Variants in HIVEP2 observed in about 807,000 individuals in gnomAD.
HIVEP2 encodes the protein HIVEP zinc finger 2.
HIVEP2 carries 14 observed loss-of-function variants against 180.7 expected under a neutral mutation model. The ratio of observed to expected loss-of-function variants is 0.08; its 90% CI spans 0.05 to 0.12. The LOEUF (loss-of-function observed/expected upper bound fraction) is 0.12, where lower values mean the gene tolerates loss of function less well. Among genes scored for constraint, HIVEP2 ranks in the 10% least tolerant of loss-of-function variants. HIVEP2 has a pLI of 1.00. For synonymous variants in HIVEP2, 1,184 were observed against 1,136.4 expected, an observed-to-expected ratio of 1.04 and a Z score of -0.84; for missense variants, 2,579 against 3,008.5, an observed-to-expected ratio of 0.86 and a Z score of 3.34.
At chr6:142,889,256 A>C (rs1381446747) in intron 1 of HIVEP2, among the ~76,000 whole-genome samples, 1 of 152,092 alleles carries the variant, frequency 6.6e-6, no homozygotes, top group East Asian at 1.9e-4. Flanking sequence ...GGATCTCTTG[A>C]GTCCAGGAGA....
At chr6:142,884,363 A>C (rs1283771237) in intron 1 of HIVEP2, among the ~76,000 whole-genome samples, 1 of 152,332 alleles carries the variant, frequency 6.6e-6, no homozygotes, top group South Asian at 2.1e-4. Context: ...CTTTAAAAAA[A>C]TAGCCTTAGA....
At chr6:142,817,729 A>G (rs1416639032) in intron 2 of HIVEP2, among the ~76,000 whole-genome samples, 1 of 152,206 alleles carries the variant, frequency 6.6e-6, no homozygotes, top group Admixed American at 6.5e-5. Context: ...CACTTAAAGT[A>G]GATCTTGGCT....
chr6:142,909,965 AT>A (rs1777363215), intron 1 of HIVEP2, among the ~76,000 whole-genome samples: 1 of 152,110 alleles, frequency 6.6e-6, no homozygotes, highest in Non-Finnish European at 1.5e-5. Flanking sequence ...TAGTTTATCT[AT>A]TTCCTTCTTC....
chr6:142,821,385 C>G (rs1250113769), intron 2 of HIVEP2, among the ~76,000 whole-genome samples: 1 of 152,130 alleles, frequency 6.6e-6, no homozygotes. Context: ...AAAGTAATAA[C>G]TGGACATGTA....
chr6:142,923,346 A>G (rs1382399146), intron 1 of HIVEP2, among the ~76,000 whole-genome samples: 2 of 152,102 alleles, frequency 1.3e-5, no homozygotes, highest in Non-Finnish European at 1.5e-5. Flanking sequence ...AAAAAAAATC[A>G]TAGTTAAATA....
chr6:142,773,575 C>T lies in HIVEP2; in HGVS notation c.1164G>A (p.Leu388=), dbSNP rs779838218. ...CAGTGCTTCCTTTACTGTGCGGGCT[C>T]AGAAGGTTGAGCGATGGCTCAGAAT... ...GQDSEPSLNL[L]SPHSKGSTDS... Residue 388 remains leucine, a synonymous_variant, in exon 5 of 10, where the codon CTG becomes CTA. Transcript: ENST00000367603. 4 of 1,614,198 alleles carry T rather than the reference C, an allele frequency of 2.5e-6. No individual in the cohort carries two copies. Among genetic ancestry groups the T allele is most frequent in the South Asian group, 2.2e-5 (2 of 91,080 alleles).
intron 2 of HIVEP2, chr6:142,788,455 G>GT (rs1183852437): frequency 6.6e-6 from 1 of 152,340 alleles, no homozygotes; most frequent in Non-Finnish European, 1.5e-5. Context: ...GCTCACACCT[G>GT]TAATCCCAGC....
chr6:142,945,130 C>T lies in HIVEP2; in HGVS notation c.-672G>A, dbSNP rs1008009436. On this transcript the variant is annotated 5_prime_UTR_variant, in exon 1 of 10. Transcript: ENST00000367603. This position sits in a 1 kb window ranked among gnomAD's most constrained non-coding sequence, Gnocchi z 5.5. ...ACGGGCCGCCGCCGGCCGCCGCAGCCGCAGCGGTGGCCGGGCCGTGCGCGC... is the reference window on the plus strand; with the variant it reads ...ACGGGCCGCCGCCGGCCGCCGCAGCTGCAGCGGTGGCCGGGCCGTGCGCGC... The T allele has an allele frequency of 6.7e-6, 1 of 148,876 alleles. No individual in the cohort carries two copies. Among genetic ancestry groups the T allele is most frequent in the African/African-American group, 2.4e-5 (1 of 40,932 alleles). The allele number at this position is 148,876 out of a possible 1,614,324, so 9.2% of individuals were successfully genotyped here. A position where few individuals can be genotyped will look rare whatever the true frequency, so the allele number is the denominator to read the frequency against.
rs528412909 is a variant in HIVEP2, at chr6:142,914,200, T to A, written c.-641+30899A>T. On this transcript the variant is annotated intron_variant, in intron 1 of 9. Coordinates refer to ENST00000367603, the MANE Select transcript of HIVEP2 (RefSeq NM_006734.4). ...CCACAGTTATCATGTGCCATCAAAT[T>A]TAAGTGGTCTACCAATTCTAAGACA... Among the ~76,000 whole-genome samples the A allele has an allele frequency of 6.6e-5, 10 of 152,332 alleles. No individual in the cohort carries two copies. In the East Asian group the frequency reaches 1.9e-3, roughly 29 times the overall value.
intron 7 of HIVEP2, among the ~76,000 whole-genome samples, chr6:142,764,257 AC>A (rs1300004820): frequency 6.6e-6 from 1 of 152,242 alleles, no homozygotes; most frequent in African/African-American, 2.4e-5. Context: ...TATAAGACTA[AC>A]AGTTATGTAC....
rs2114659573 is a variant in HIVEP2 at position 142,773,068 on chromosome 6, A to G, written c.1671T>C (p.Pro557=). 6.2e-7 allele frequency: 1 copy of G among 1,614,258 alleles called. No homozygotes were observed. Among genetic ancestry groups the G allele is most frequent in the Non-Finnish European group, 8.5e-7 (1 of 1,180,046 alleles). The change falls in exon 5 of 10, where the codon CCT becomes CCC. Residue 557 remains proline, a synonymous_variant. Coordinates refer to ENST00000367603, the MANE Select transcript of HIVEP2 (RefSeq NM_006734.4). ...PTSSATNLTI[P]PSLRGSHSFD... is the part of the protein sequence containing the mutation. ...ATGAGTGACTTCCTCTCAAAGAAGG[A>G]GGAATAGTTAGATTAGTTGCTGAAG...
At chr6:142,915,898 C>G (rs1408799485) in intron 1 of HIVEP2, among the ~76,000 whole-genome samples, 3 of 152,210 alleles carry the variant, frequency 2.0e-5, no homozygotes, top group Non-Finnish European at 4.4e-5. Context: ...CCGCTTTAAA[C>G]TCAACAAATC....
intron 1 of HIVEP2, among the ~76,000 whole-genome samples, chr6:142,844,918 C>T (rs1157926737): frequency 6.6e-6 from 1 of 152,236 alleles, no homozygotes; most frequent in Non-Finnish European, 1.5e-5. Flanking sequence ...CAAACAGGCA[C>T]ACCCTAGTGA....
chr6:142,866,633 G>A (rs916440599), intron 1 of HIVEP2, among the ~76,000 whole-genome samples: 1 of 152,146 alleles, frequency 6.6e-6, no homozygotes, highest in African/African-American at 2.4e-5. Context: ...AGGCAGAATA[G>A]TAATTCCAAA....
chr6:142,942,344 T>C (rs1189135039), intron 1 of HIVEP2, among the ~76,000 whole-genome samples: 1 of 151,984 alleles, frequency 6.6e-6, no homozygotes, highest in Non-Finnish European at 1.5e-5. Flanking sequence ...CATTTTAAAT[T>C]AAATCAGCAT....
intron 2 of HIVEP2, among the ~76,000 whole-genome samples, chr6:142,795,292 A>T (rs1342672916): frequency 6.6e-6 from 1 of 152,158 alleles, no homozygotes; most frequent in East Asian, 1.9e-4. Context: ...TCATTTATTG[A>T]TGTTATTTGG....
intron 2 of HIVEP2, among the ~76,000 whole-genome samples, chr6:142,808,014 T>G (rs1253653867): frequency 6.6e-6 from 1 of 152,200 alleles, no homozygotes; most frequent in Non-Finnish European, 1.5e-5. Context: ...TCCTACCCAG[T>G]TCCAAACTCC....
At chr6:142,818,164 G>A (rs770289576) in intron 2 of HIVEP2, among the ~76,000 whole-genome samples, 1 of 152,146 alleles carries the variant, frequency 6.6e-6, no homozygotes, top group Non-Finnish European at 1.5e-5. Context: ...GACAACTAAA[G>A]TCACCTGCTA....
At chr6:142,896,203 T>A (rs1375281510) in intron 1 of HIVEP2, among the ~76,000 whole-genome samples, 1 of 152,004 alleles carries the variant, frequency 6.6e-6, no homozygotes, top group Non-Finnish European at 1.5e-5. Context: ...TCACCTACCT[T>A]CCTAATCTTC....
Sources: gnomAD v4.1 joint callset for allele counts (sites outside exome capture counted in the v4.1 genomes callset) on GRCh38, gnomAD v4.1.1 for gene constraint, Gnocchi (gnomAD v3.1) non-coding constraint, MANE v1.5 for transcripts, NCBI Gene and HGNC (gene_info 2026-07-23, HGNC 2026-07-21) for gene names.